PRKAR2A: variants seen among roughly 807,000 people sequenced by gnomAD.
PRKAR2A encodes protein kinase cAMP-dependent type II regulatory subunit alpha, also known as cAMP-dependent protein kinase type II-alpha regulatory subunit.
In PRKAR2A, 29 loss-of-function variants were observed where a neutral mutation model predicts 51.9. The ratio of observed to expected loss-of-function variants is 0.56; its 90% CI spans 0.42 to 0.76. The LOEUF is 0.76. Ranked by LOEUF, PRKAR2A falls within the 30% of genes least tolerant of loss-of-function variation. The pLI is 0.00. For synonymous variants in PRKAR2A, 178 were observed against 186.2 expected, an observed-to-expected ratio of 0.96 and a Z score of 0.36; for missense variants, 445 against 512.1, an observed-to-expected ratio of 0.87 and a Z score of 1.26.
chr3:48,814,225 C>T (rs2082833643), intron 1 of PRKAR2A, among the ~76,000 whole-genome samples: 1 of 150,862 alleles, frequency 6.6e-6, no homozygotes, highest in Admixed American at 6.6e-5. Flanking sequence ...TCCAGTCTGG[C>T]GACAGAGCGA....
Position 48,766,121 on chromosome 3 carries a change from G to A in PRKAR2A, c.697-772C>T, listed in dbSNP as rs530902701. 4.0e-5 allele frequency among the ~76,000 whole-genome samples: 6 copies of A among 150,420 alleles called. 1 individual carries two copies. In the South Asian group the frequency reaches 1.3e-3, roughly 32 times the overall value. ...ACTTGTCTGTACTTGGGTGGCTGAG[G>A]TGAAAGGCTCACCAGAGCCTGAGAG... is the stretch of plus-strand genomic sequence containing the variant. On this transcript the variant is annotated intron_variant, in intron 6 of 10. Coordinates refer to ENST00000265563, the MANE Select transcript of PRKAR2A (RefSeq NM_004157.4).
intron 2 of PRKAR2A, among the ~76,000 whole-genome samples, chr3:48,804,306 C>G (rs1030369259): frequency 5.9e-5 from 9 of 151,888 alleles, no homozygotes; most frequent in African/African-American, 2.2e-4. Flanking sequence ...ACTAAAAATA[C>G]AAAAATTAGC....
At chr3:48,800,542 A>C (rs1575899013) in intron 2 of PRKAR2A, among the ~76,000 whole-genome samples, 1 of 151,824 alleles carries the variant, frequency 6.6e-6, no homozygotes, top group Non-Finnish European at 1.5e-5. Context: ...ACACACACAC[A>C]CACACACACA....
intron 6 of PRKAR2A, among the ~76,000 whole-genome samples, chr3:48,766,928 T>G (rs1160882245): frequency 6.6e-6 from 1 of 152,088 alleles, no homozygotes; most frequent in African/African-American, 2.4e-5. Context: ...TCTCCCCACC[T>G]CAGCCTCCCA....
intron 9 of PRKAR2A, among the ~76,000 whole-genome samples, chr3:48,755,122 G>T (rs1011329766): frequency 1.3e-5 from 2 of 149,140 alleles, no homozygotes; most frequent in African/African-American, 5.0e-5. Flanking sequence ...TTAGCCTCCC[G>T]AGTAGCTGGG....
chr3:48,802,054 C>T (rs536095788), intron 2 of PRKAR2A, among the ~76,000 whole-genome samples: 3 of 152,184 alleles, frequency 2.0e-5, no homozygotes, highest in Non-Finnish European at 2.9e-5. Context: ...GGATTATAGG[C>T]GCCTGCCACC....
chr3:48,834,312 G>A (rs969850292), intron 1 of PRKAR2A, among the ~76,000 whole-genome samples: 1 of 151,948 alleles, frequency 6.6e-6, no homozygotes, highest in Non-Finnish European at 1.5e-5. Flanking sequence ...GTGAGGTAGA[G>A]GCATAAATCA....
chr3:48,767,743 T>C (rs1273276430), intron 6 of PRKAR2A, among the ~76,000 whole-genome samples: 1 of 150,594 alleles, frequency 6.6e-6, no homozygotes, highest in African/African-American at 2.4e-5. Context: ...GCTAACACAA[T>C]GAAACCCCGT....
intron 2 of PRKAR2A, among the ~76,000 whole-genome samples, chr3:48,802,902 T>G (rs2082612604): frequency 6.6e-6 from 1 of 152,130 alleles, no homozygotes; most frequent in Non-Finnish European, 1.5e-5. Context: ...GGAGAGGAGC[T>G]AACAGCTAAA....
At chr3:48,845,709 G>A (rs1017632647) in intron 1 of PRKAR2A, among the ~76,000 whole-genome samples, 4 of 152,174 alleles carry the variant, frequency 2.6e-5, no homozygotes, top group African/African-American at 9.7e-5. Context: ...CACTTTGGGA[G>A]GCCAAGGCAG....
intron 1 of PRKAR2A, among the ~76,000 whole-genome samples, chr3:48,823,643 G>A (rs757612068): frequency 7.8e-4 from 118 of 151,644 alleles, no homozygotes; most frequent in Non-Finnish European, 1.3e-3. Flanking sequence ...TTAATTAGCT[G>A]GGTATGGTGG....
intron 4 of PRKAR2A, among the ~76,000 whole-genome samples, chr3:48,789,289 A>G (rs948121988): frequency 6.6e-6 from 1 of 152,112 alleles, no homozygotes; most frequent in African/African-American, 2.4e-5. Context: ...GTCTGAAACC[A>G]CAGATAGTGT....
At chr3:48,784,947 A>C (rs1034334008) in intron 4 of PRKAR2A, among the ~76,000 whole-genome samples, 1 of 152,216 alleles carries the variant, frequency 6.6e-6, no homozygotes, top group African/African-American at 2.4e-5. Context: ...GTGATTCAGG[A>C]CTGAAAAACA....
intron 1 of PRKAR2A, among the ~76,000 whole-genome samples, chr3:48,841,129 G>C (rs919694484): frequency 6.6e-6 from 1 of 150,376 alleles, no homozygotes; most frequent in Non-Finnish European, 1.5e-5. Flanking sequence ...CAGGTGATCC[G>C]CCCGCCTCGG....
At chr3:48,799,558 A>C (rs1014010381) in intron 2 of PRKAR2A, among the ~76,000 whole-genome samples, 7 of 152,244 alleles carry the variant, frequency 4.6e-5, no homozygotes, top group African/African-American at 1.7e-4. Context: ...GATGAAAAAA[A>C]TATTGCATAC....
At chr3:48,755,291 C>T (rs905410348) in intron 9 of PRKAR2A, among the ~76,000 whole-genome samples, 8 of 151,760 alleles carry the variant, frequency 5.3e-5, no homozygotes, top group African/African-American at 1.9e-4. Context: ...CCACCGTGCC[C>T]GGCTACTTAT....
chr3:48,777,820 G>A (rs370434236), intron 5 of PRKAR2A, among the ~76,000 whole-genome samples: 11 of 152,118 alleles, frequency 7.2e-5, no homozygotes, highest in African/African-American at 2.7e-4. Flanking sequence ...CTGCTCTCAG[G>A]GGAGCTTACC....
rs115376835 is a variant in PRKAR2A, at chr3:48,827,111, C to T, written c.263-19427G>A. 3.6e-3 allele frequency among the ~76,000 whole-genome samples: 545 copies of T among 152,112 alleles called. 2 individuals are homozygous for T. Among genetic ancestry groups the T allele is most frequent in the African/African-American group, 0.013 (530 of 41,494 alleles). ...TAAAGTTAACCATATCCAGAATTCT[C>T]TGATGATGGCTACAAAAAAAGCCCT... On this transcript the variant is annotated intron_variant, in intron 1 of 10. Transcript: ENST00000265563.
At chr3:48,784,655 C>T (rs930692051) in intron 4 of PRKAR2A, among the ~76,000 whole-genome samples, 6 of 151,940 alleles carry the variant, frequency 3.9e-5, no homozygotes, top group Non-Finnish European at 5.9e-5. Context: ...ATAACAGGGG[C>T]GGAAAGGGAG....
Sources: allele counts gnomAD v4.1 joint callset (sites outside exome capture counted in the v4.1 genomes callset), GRCh38; gene constraint gnomAD v4.1.1; transcripts MANE v1.5; gene names NCBI Gene and HGNC (gene_info 2026-07-23, HGNC 2026-07-21).